The following CAPN13 variants were observed in gnomAD, a reference collection of about 807,000 sequenced individuals.
The protein encoded by CAPN13 is calpain-13.
CAPN13 carries 90 observed loss-of-function variants against 98.4 expected under a neutral mutation model. That is an observed-to-expected ratio of 0.92 (90% CI 0.77 to 1.09). CAPN13 has a LOEUF of 1.09. Among genes scored for constraint, CAPN13 ranks in the 50% least tolerant of loss-of-function variants. The probability of loss-of-function intolerance (pLI) is 0.00; values close to 1 mark genes in which losing one functional copy is unlikely to be tolerated. For synonymous variants in CAPN13, 330 were observed against 305.5 expected (o/e 1.08, Z -0.84); for missense variants, 887 against 841.3 (o/e 1.05, Z -0.67).
intron 15 of CAPN13, chr2:30,741,486 A>G (rs780239705): frequency 4.0e-5 from 41 of 1,028,276 alleles, no homozygotes; most frequent in Non-Finnish European, 4.4e-5. Flanking sequence ...GTGTGCACAT[A>G]GGTGGTTTGG....
chr2:30,777,758 G>C (rs1244880809), intron 2 of CAPN13, 119 bp from the exon 3 acceptor site: 1 of 842,472 alleles, frequency 1.2e-6, no homozygotes, highest in Non-Finnish European at 1.9e-6. Flanking sequence ...CTTAAAATCC[G>C]AGTTAGGAAA....
intron 1 of CAPN13, among the ~76,000 whole-genome samples, chr2:30,792,047 A>C (rs1674632988): frequency 6.6e-6 from 1 of 152,188 alleles, no homozygotes; most frequent in African/African-American, 2.4e-5. Flanking sequence ...GGAATTCAAT[A>C]ACAATAGAAT....
chr2:30,796,099 T>G (rs1674842973), intron 1 of CAPN13, among the ~76,000 whole-genome samples: 1 of 149,878 alleles, frequency 6.7e-6, no homozygotes, highest in African/African-American at 2.4e-5. Context: ...TTCCCCAAAA[T>G]AGAGTCCTTA....
chr2:30,803,055 C>T (rs984181874), intron 1 of CAPN13, among the ~76,000 whole-genome samples: 1 of 152,180 alleles, frequency 6.6e-6, no homozygotes, highest in African/African-American at 2.4e-5. Context: ...CCTCATCTCC[C>T]CCAGGGCCAT....
At position 30,736,738 on chromosome 2, in the gene CAPN13, C is replaced by G. The variant is rs1207932367; in HGVS notation, c.1654-167G>C. 6.4e-6 allele frequency: 4 copies of G among 622,610 alleles called. No individual in the cohort carries two copies. In the African/African-American group the frequency reaches 7.4e-5, roughly 12 times the overall value. The allele number at this position is 622,610 out of a possible 1,614,324, so 38.6% of individuals were successfully genotyped here. ...GGCTCCCGCTGTGTCTGAAAGGGAC[C>G]TGGCTTAGATTTGTTTTACAAAGAA... On this transcript the variant is annotated intron_variant, in intron 17 of 22. Coordinates refer to ENST00000295055, the MANE Select transcript of CAPN13 (RefSeq NM_144575.3).
chr2:30,796,168 G>A (rs1237339308), intron 1 of CAPN13, among the ~76,000 whole-genome samples: 1 of 141,602 alleles, frequency 7.1e-6, no homozygotes, highest in Non-Finnish European at 1.5e-5. Context: ...ACATATATAT[G>A]TGTGTATATA....
chr2:30,742,277 T>C (rs1381382076), intron 14 of CAPN13, 49 bp downstream of exon 14: 1 of 1,579,102 alleles, frequency 6.3e-7, no homozygotes, highest in East Asian at 2.3e-5. Flanking sequence ...CTCTTGGGGA[T>C]GGGATGGGGC....
chr2:30,723,676 C>T (rs1476470983), intron 22 of CAPN13, among the ~76,000 whole-genome samples: 3 of 152,166 alleles, frequency 2.0e-5, no homozygotes, highest in African/African-American at 7.2e-5. Context: ...TGGACTTCTG[C>T]AGAGGAGTGG....
At chr2:30,786,767 G>A (rs1028362201) in intron 2 of CAPN13, among the ~76,000 whole-genome samples, 2 of 152,204 alleles carry the variant, frequency 1.3e-5, no homozygotes, top group African/African-American at 4.8e-5. Context: ...GACACCTGAA[G>A]AGAAGAAAGG....
chr2:30,726,768 T>G (rs2681682), intron 22 of CAPN13, among the ~76,000 whole-genome samples: 1 of 151,998 alleles, frequency 6.6e-6, no homozygotes, highest in East Asian at 1.9e-4. Flanking sequence ...TTTTATATTG[T>G]GAAGATGGCA....
In CAPN13 at chr2:30,764,405, G is replaced by A. The variant is rs1298447237; in HGVS notation, c.525-99C>T. 9 of 1,351,236 alleles carry A rather than the reference G, an allele frequency of 6.7e-6. No individual in the cohort carries two copies. The African/African-American group carries it at 1.1e-4, about 17-fold the overall frequency. The allele number at this position is 1,351,236 out of a possible 1,614,324, so 83.7% of individuals were successfully genotyped here. On this transcript the variant is annotated intron_variant, in intron 5 of 22. Coordinates refer to ENST00000295055, the MANE Select transcript of CAPN13 (RefSeq NM_144575.3). ...TCCTCTGCCTATTTCCCAGGTAAGG[G>A]GCTGCCTGGTCCACTCCTGATCATG...
At chr2:30,768,404 T>C (rs537888193) in intron 5 of CAPN13, among the ~76,000 whole-genome samples, 5 of 152,196 alleles carry the variant, frequency 3.3e-5, no homozygotes, top group African/African-American at 7.2e-5. Context: ...GGAAGATGCA[T>C]AGCAAAGACA....
chr2:30,739,206 C>T (rs1671531883), intron 15 of CAPN13, among the ~76,000 whole-genome samples: 1 of 152,056 alleles, frequency 6.6e-6, no homozygotes, highest in South Asian at 2.1e-4. Context: ...TGCGGCTGTT[C>T]CTCATGTCCA....
At chr2:30,768,297 A>T (rs1673209946) in intron 5 of CAPN13, among the ~76,000 whole-genome samples, 1 of 152,230 alleles carries the variant, frequency 6.6e-6, no homozygotes. Context: ...GGTGGAAAGC[A>T]GCAGAAGGTA....
chr2:30,747,429 C>T (rs956620695), intron 11 of CAPN13, among the ~76,000 whole-genome samples: 24 of 152,228 alleles, frequency 1.6e-4, no homozygotes, highest in African/African-American at 5.3e-4. Flanking sequence ...GTGTACAGAC[C>T]TCTTAGCCGA....
chr2:30,763,998 C>G, intron 6 of CAPN13, 134 bp downstream of exon 6: 1 of 864,328 alleles, frequency 1.2e-6, no homozygotes, highest in Admixed American at 2.6e-5. Context: ...TGGGGTGACC[C>G]GGGTAAAGCA....
rs946319949 is a variant in CAPN13 at position 30,763,138 on chromosome 2, C to T, written c.718G>A (p.Ala240Thr). ...TPSGPTDTAQ[A>T]MENGLVSLHA... ...AGACTCACCAGCCCATTCTCCATCG[C>T]CTGTGCTGTATCTGTTGGCTTCAAG... is the stretch of plus-strand genomic sequence containing the variant. Residue 240 changes from alanine (A) to threonine (T), a missense_variant, in exon 7 of 23, where the codon GCG becomes ACG. By Grantham distance (58) the Ala-to-Thr change is moderately conservative (BLOSUM62 0). Coordinates refer to ENST00000295055, the MANE Select transcript of CAPN13 (RefSeq NM_144575.3). 6.2e-7 allele frequency: 1 copy of T among 1,611,400 alleles called. No homozygotes were observed. Among genetic ancestry groups the T allele is most frequent in the Non-Finnish European group, 8.5e-7 (1 of 1,178,976 alleles).
intron 12 of CAPN13, among the ~76,000 whole-genome samples, chr2:30,745,522 G>A (rs1195658554): frequency 3.3e-5 from 5 of 152,188 alleles, no homozygotes; most frequent in South Asian, 4.1e-4. Context: ...TCAAAGGGTC[G>A]AAGCTTCAGA....
At chr2:30,761,877 T>C (rs572642266) in intron 7 of CAPN13, among the ~76,000 whole-genome samples, 1 of 152,176 alleles carries the variant, frequency 6.6e-6, no homozygotes, top group South Asian at 2.1e-4. Context: ...AGGAAGGACA[T>C]GTGGGAAAGG....
Sources: gnomAD v4.1 joint callset for allele counts (sites outside exome capture counted in the v4.1 genomes callset) on GRCh38, gnomAD v4.1.1 for gene constraint, MANE v1.5 for transcripts, NCBI Gene and HGNC (gene_info 2026-07-23, HGNC 2026-07-21) for gene names.